PLCL1: variants seen among roughly 807,000 people sequenced by gnomAD.
The protein encoded by PLCL1 is inactive phospholipase C-like protein 1.
A neutral mutation model predicts 84.4 loss-of-function variants in PLCL1; 41 were observed. That is an observed-to-expected ratio of 0.49 (90% confidence interval 0.38 to 0.63). PLCL1 has a LOEUF of 0.63. PLCL1 is among the 30% of genes least tolerant of loss of function. The pLI is 0.00. For synonymous variants in PLCL1, 490 were observed against 488.3 expected (o/e 1.00, Z -0.05); for missense variants, 1,206 against 1,367.8 (o/e 0.88, Z 1.87).
chr2:198,099,941 T>G (rs900040527), intron 3 of PLCL1, among the ~76,000 whole-genome samples: 1 of 152,160 alleles, frequency 6.6e-6, no homozygotes, highest in Non-Finnish European at 1.5e-5. Context: ...TATTTTTCAG[T>G]ACTTAATTTG....
chr2:198,067,182 G>T (rs956977095), intron 1 of PLCL1, among the ~76,000 whole-genome samples: 44 of 148,882 alleles, frequency 3.0e-4, no homozygotes, highest in African/African-American at 1.1e-3. Flanking sequence ...AGGCTGGAGA[G>T]AAATGGCTCA....
intron 1 of PLCL1, among the ~76,000 whole-genome samples, chr2:198,040,627 A>G (rs1243421388): frequency 6.6e-6 from 1 of 152,162 alleles, no homozygotes; most frequent in African/African-American, 2.4e-5. Context: ...CCAGCTTCTG[A>G]AAGGTTCTCT....
intron 1 of PLCL1, among the ~76,000 whole-genome samples, chr2:197,871,406 T>C (rs2105705086): frequency 6.6e-6 from 1 of 152,236 alleles, no homozygotes; most frequent in African/African-American, 2.4e-5. Flanking sequence ...TTCTCAAGTG[T>C]TGAAACGCCT....
intron 1 of PLCL1, among the ~76,000 whole-genome samples, chr2:198,047,062 A>T (rs367585932): frequency 6.6e-6 from 1 of 152,158 alleles, no homozygotes; most frequent in Non-Finnish European, 1.5e-5. Context: ...TAGGTTAGCC[A>T]GGGTTCTAAA....
chr2:197,922,782 C>G (rs1688734150), intron 1 of PLCL1, among the ~76,000 whole-genome samples: 1 of 120,004 alleles, frequency 8.3e-6, no homozygotes, highest in Non-Finnish European at 1.8e-5. Flanking sequence ...GGGGGCTGAC[C>G]CCCCCACCTC....
intron 1 of PLCL1, among the ~76,000 whole-genome samples, chr2:197,873,200 C>T (rs1472769685): frequency 1.3e-5 from 2 of 151,668 alleles, no homozygotes; most frequent in East Asian, 1.9e-4. Context: ...ATTCAAAAAA[C>T]TTTCTATTAA....
At chr2:197,870,864 G>C (rs1367340535) in intron 1 of PLCL1, among the ~76,000 whole-genome samples, 1 of 151,982 alleles carries the variant, frequency 6.6e-6, no homozygotes, top group Non-Finnish European at 1.5e-5. Context: ...CTACTGGGGG[G>C]AAAAGAGACC....
intron 1 of PLCL1, among the ~76,000 whole-genome samples, chr2:197,932,714 A>G (rs1688965304): frequency 6.6e-6 from 1 of 152,224 alleles, no homozygotes; most frequent in Admixed American, 6.6e-5. Flanking sequence ...TTAGTCACCT[A>G]CTATGCACAA....
chr2:198,113,518 G>A (rs1320609349), intron 5 of PLCL1, among the ~76,000 whole-genome samples: 1 of 151,856 alleles, frequency 6.6e-6, no homozygotes, highest in Non-Finnish European at 1.5e-5. Context: ...TTAAAAAAGT[G>A]CATGACACTA....
intron 5 of PLCL1, among the ~76,000 whole-genome samples, chr2:198,134,517 AAC>A (rs991289011): frequency 1.3e-5 from 2 of 152,172 alleles, no homozygotes; most frequent in Non-Finnish European, 2.9e-5. Flanking sequence ...CACTTCAGCT[AAC>A]ACAGAACCTG....
chr2:198,110,839 G>A (rs1043409233), intron 5 of PLCL1, among the ~76,000 whole-genome samples: 13 of 151,788 alleles, frequency 8.6e-5, no homozygotes, highest in Admixed American at 2.0e-4. Flanking sequence ...TTCCAGTGGT[G>A]TCTCTGGCAT....
At chr2:197,914,540 AG>A (rs778722064) in intron 1 of PLCL1, among the ~76,000 whole-genome samples, 49 of 152,112 alleles carry the variant, frequency 3.2e-4, no homozygotes, top group Non-Finnish European at 5.3e-4. Flanking sequence ...AATGTTGGCC[AG>A]GCTTGTCTCA....
chr2:197,917,191 A>G (rs1258155331), intron 1 of PLCL1, among the ~76,000 whole-genome samples: 1 of 152,214 alleles, frequency 6.6e-6, no homozygotes, highest in African/African-American at 2.4e-5. Flanking sequence ...CTACACAAAA[A>G]CCTACATGTG....
At chr2:198,061,971 G>A (rs61481246) in intron 1 of PLCL1, among the ~76,000 whole-genome samples, 3,133 of 152,274 alleles carry the variant, frequency 0.021, 95 homozygotes, top group African/African-American at 0.072. Context: ...ACAATACTGA[G>A]AAGAAATGTA....
intron 1 of PLCL1, among the ~76,000 whole-genome samples, chr2:198,028,755 G>A (rs1691335462): frequency 6.6e-6 from 1 of 152,060 alleles, no homozygotes; most frequent in South Asian, 2.1e-4. Flanking sequence ...GTTTAAAGTT[G>A]TTATTTCATG....
In PLCL1 at chr2:197,886,411, C is replaced by CAAAAAA. The variant is rs61183744; in HGVS notation, c.240+81108_240+81113dup. Among the ~76,000 whole-genome samples, 305 of 77,000 alleles carry CAAAAAA rather than the reference C, an allele frequency of 4.0e-3. 18 individuals carry two copies. Among genetic ancestry groups the CAAAAAA allele is most frequent in the Middle Eastern group, 6.4e-3 (1 of 156 alleles). The allele number at this position is 77,000 out of a possible 152,430, so 50.5% of individuals were successfully genotyped here. A position where few individuals can be genotyped will look rare whatever the true frequency, so the allele number is the denominator to read the frequency against. ...TGGGCAACAGAATGAGACTCTGTCT[C>CAAAAAA]AAAAAAAAAAAAAAAAAAAAAAAAA... On this transcript the variant is annotated intron_variant, in intron 1 of 5. Transcript: ENST00000428675.
chr2:198,082,407 G>C (rs1574297360), intron 1 of PLCL1, among the ~76,000 whole-genome samples: 1 of 151,972 alleles, frequency 6.6e-6, no homozygotes, highest in South Asian at 2.1e-4. Flanking sequence ...TCACGCCACT[G>C]CACTCCAGCC....
intron 1 of PLCL1, among the ~76,000 whole-genome samples, chr2:198,061,963 A>G (rs954555649): frequency 1.3e-5 from 2 of 152,190 alleles, no homozygotes; most frequent in Admixed American, 6.5e-5. Context: ...CACATTACAC[A>G]ATACTGAGAA....
At chr2:198,109,521 T>C (rs946729965) in intron 5 of PLCL1, among the ~76,000 whole-genome samples, 1 of 151,958 alleles carries the variant, frequency 6.6e-6, no homozygotes, top group African/African-American at 2.4e-5. Context: ...ATACTACAAC[T>C]TCACTTACGT....
Sources: allele counts gnomAD v4.1 joint callset (sites outside exome capture counted in the v4.1 genomes callset), GRCh38; gene constraint gnomAD v4.1.1; transcripts MANE v1.5; gene names NCBI Gene and HGNC (gene_info 2026-07-23, HGNC 2026-07-21).